Variants in STRIP2 observed in about 807,000 individuals in gnomAD.
The protein encoded by STRIP2 is striatin-interacting protein 2.
STRIP2 carries 84 observed loss-of-function variants against 107.1 expected under a neutral mutation model. That is an observed-to-expected ratio of 0.78 (90% CI 0.66 to 0.94). The LOEUF (loss-of-function observed/expected upper bound fraction) is 0.94. STRIP2 is among the 40% of genes least tolerant of loss of function. STRIP2 has a pLI of 0.00. For synonymous variants in STRIP2, 394 were observed against 400.4 expected (o/e 0.98, Z 0.19); for missense variants, 888 against 1,034.2 (o/e 0.86, Z 1.94).
intron 19 of STRIP2, among the ~76,000 whole-genome samples, chr7:129,482,637 C>G (rs1799155371): frequency 1.3e-5 from 2 of 151,974 alleles, no homozygotes; most frequent in African/African-American, 2.4e-5. Context: ...TTCGGCCTCC[C>G]AAAGTGCTGG....
rs1029642318 is a variant in STRIP2 at position 129,444,105 on chromosome 7, C to T, written c.274+7C>T. The T allele has an allele frequency of 5.0e-6, 8 of 1,606,314 alleles. No individual in the cohort carries two copies. The highest frequency in any genetic ancestry group is 6.0e-6 in the Non-Finnish European group (7 of 1,173,384). On this transcript the variant is annotated splice_region_variant and intron_variant, in intron 3 of 20. Transcript: ENST00000249344. ...GAAGATTTCAAGACTCAAGGTAATT[C>T]CAGATCTTTACTCATAGAGACCTGC...
At chr7:129,451,866 C>T in intron 4 of STRIP2, 119 bp downstream of exon 4, 1 of 1,210,492 alleles carries the variant, frequency 8.3e-7, no homozygotes, top group South Asian at 1.5e-5. Flanking sequence ...CTCTCAAGGA[C>T]AGATCTTGTC....
In STRIP2 at chr7:129,470,583, C is replaced by T. The variant is rs935242263; in HGVS notation, c.1878-66C>T. The T allele has an allele frequency of 9.7e-6, 13 of 1,342,036 alleles. No individual in the cohort carries two copies. The African/African-American group carries it at 1.4e-4, about 15-fold the overall frequency. The allele number at this position is 1,342,036 out of a possible 1,614,324, so 83.1% of individuals were successfully genotyped here. On this transcript the variant is annotated intron_variant, in intron 17 of 20. Transcript: ENST00000249344. ...TGGAGAGAAATAACTCCTGCCCTTT[C>T]CAGATACAGCCAATTCCTGCTGTTG...
intron 17 of STRIP2, 57 bp from the exon 18 acceptor site, chr7:129,470,592 G>A: frequency 7.0e-7 from 1 of 1,422,154 alleles, no homozygotes; most frequent in Non-Finnish European, 9.9e-7. Context: ...TCCAGATACA[G>A]CCAATTCCTG....
intron 1 of STRIP2, among the ~76,000 whole-genome samples, chr7:129,437,906 C>T (rs773289774): frequency 6.6e-6 from 1 of 151,334 alleles, no homozygotes; most frequent in South Asian, 2.1e-4. Context: ...CCCGGGTTCA[C>T]GCCATTCTCC....
intron 19 of STRIP2, 115 bp downstream of exon 19, chr7:129,481,004 C>T: frequency 1.4e-6 from 1 of 703,716 alleles, no homozygotes; most frequent in South Asian, 1.9e-5. Context: ...ACACTGAATG[C>T]TACATAAGAT....
Position 129,482,832 on chromosome 7 carries a change from C to A in STRIP2, c.2050-10C>A. 1 of 1,613,564 alleles carries A rather than the reference C, an allele frequency of 6.2e-7. No homozygotes were observed. The highest frequency in any genetic ancestry group is 1.1e-5 in the South Asian group (1 of 91,062). On this transcript the variant is annotated splice_polypyrimidine_tract_variant and intron_variant, in intron 19 of 20. Coordinates refer to ENST00000249344, the MANE Select transcript of STRIP2 (RefSeq NM_020704.3). ...TTAGATCTTTACCCCACCCCTCTTT[C>A]AATGAACAGATGCTGGTAGTGTTTA...
At position 129,434,457 on chromosome 7, in the gene STRIP2, G is replaced by C; in HGVS notation, c.-16G>C. 6.7e-7 allele frequency: 1 copy of C among 1,499,992 alleles called. No individual in the cohort carries two copies. Among genetic ancestry groups the C allele is most frequent in the Non-Finnish European group, 8.8e-7 (1 of 1,131,126 alleles). The allele number at this position is 1,499,992 out of a possible 1,614,324, so 92.9% of individuals were successfully genotyped here. A position where few individuals can be genotyped will look rare whatever the true frequency, so the allele number is the denominator to read the frequency against. On this transcript the variant is annotated 5_prime_UTR_variant, in exon 1 of 21. Coordinates refer to ENST00000249344, the MANE Select transcript of STRIP2 (RefSeq NM_020704.3). ...CAAAGCGAGCTGAACCCTGAGGGGAGCCGCTGACCAGCAGCATGGAGGACC... is the reference window on the plus strand; with the variant it reads ...CAAAGCGAGCTGAACCCTGAGGGGACCCGCTGACCAGCAGCATGGAGGACC...
intron 1 of STRIP2, among the ~76,000 whole-genome samples, chr7:129,435,482 A>C (rs978494688): frequency 4.6e-5 from 7 of 152,144 alleles, no homozygotes; most frequent in Non-Finnish European, 8.8e-5. Flanking sequence ...AAGAGGAGTG[A>C]CTTGCCCAAG....
chr7:129,485,670 C>T lies in STRIP2; in HGVS notation c.2346C>T (p.Pro782=). Residue 782 remains proline (P), a synonymous_variant, in exon 21 of 21, where the codon CCC becomes CCT. Coordinates refer to ENST00000249344, the MANE Select transcript of STRIP2 (RefSeq NM_020704.3). ...EAFNSRRYDR[P]QDSEFSPVDN... is the part of the protein sequence containing the mutation. ...TTAACAGCCGTCGCTATGACAGACC[C>T]CAGGACTCTGAGTTTTCACCTGTGG... 1 of 1,614,040 alleles carries T rather than the reference C, an allele frequency of 6.2e-7. No homozygotes were observed. Among genetic ancestry groups the T allele is most frequent in the Non-Finnish European group, 8.5e-7 (1 of 1,180,028 alleles).
At chr7:129,469,420 T>A (rs1422450344) in intron 17 of STRIP2, among the ~76,000 whole-genome samples, 1 of 152,222 alleles carries the variant, frequency 6.6e-6, no homozygotes, top group Non-Finnish European at 1.5e-5. Flanking sequence ...AGATTTCAAT[T>A]CACTAAGAGA....
intron 4 of STRIP2, 129 bp downstream of exon 4, chr7:129,451,876 C>T: frequency 8.9e-7 from 1 of 1,121,424 alleles, no homozygotes; most frequent in Non-Finnish European, 1.3e-6. Flanking sequence ...CAGATCTTGT[C>T]ATGTGCTAGG....
Position 129,440,186 on chromosome 7 carries a change from A to G in STRIP2, c.199+95A>G, listed in dbSNP as rs891210483. Reference sequence around the variant, plus strand: ...CCTGGAAGCTTGTCTGTTCTCACCAAGTGGCTGTTGAACAAAGGCTGTTCT... The same window carrying G: ...CCTGGAAGCTTGTCTGTTCTCACCAGGTGGCTGTTGAACAAAGGCTGTTCT... On this transcript the variant is annotated intron_variant, in intron 2 of 20. Transcript: ENST00000249344. 1.1e-5 allele frequency: 12 copies of G among 1,063,792 alleles called. No individual in the cohort carries two copies. The Admixed American group carries it at 2.0e-4, about 18-fold the overall frequency. 65.9% of individuals were successfully genotyped at this position (1,063,792 alleles called of 1,614,324 possible). A position where few individuals can be genotyped will look rare whatever the true frequency, so the allele number is the denominator to read the frequency against.
At chr7:129,480,663 G>A in intron 18 of STRIP2, 122 bp from the exon 19 acceptor site, 1 of 728,792 alleles carries the variant, frequency 1.4e-6, no homozygotes, top group Non-Finnish European at 2.3e-6. Context: ...AAACAGGAAG[G>A]TGAGGAGGTA....
intron 18 of STRIP2, 22 bp from the exon 19 acceptor site, chr7:129,480,763 T>C (rs1456950161): frequency 1.3e-6 from 2 of 1,592,000 alleles, no homozygotes; most frequent in South Asian, 2.2e-5. Context: ...ATTAAGATAA[T>C]GATGGATGTT....
chr7:129,485,040 T>A (rs569786344), intron 20 of STRIP2, among the ~76,000 whole-genome samples: 7 of 152,318 alleles, frequency 4.6e-5, no homozygotes, highest in African/African-American at 1.4e-4. Context: ...CTGGAGGAGA[T>A]TCCAGGGAAT....
At chr7:129,445,340 C>T (rs1340790197) in intron 3 of STRIP2, among the ~76,000 whole-genome samples, 1 of 152,064 alleles carries the variant, frequency 6.6e-6, no homozygotes, top group Admixed American at 6.5e-5. Flanking sequence ...GGTAGGAGGA[C>T]CCCAAAGTGT....
Position 129,460,384 on chromosome 7 carries a change from A to T in STRIP2, c.1476+12A>T. ...GCCCTATGTCTTTGGTGAGCCAAGG[A>T]AGCCCTACACAGGAGGAGAGTAGAA... On this transcript the variant is annotated intron_variant, in intron 13 of 20. Coordinates refer to ENST00000249344, the MANE Select transcript of STRIP2 (RefSeq NM_020704.3). The T allele has an allele frequency of 6.2e-7, 1 of 1,612,320 alleles. No homozygotes were observed. The highest frequency in any genetic ancestry group is 8.5e-7 in the Non-Finnish European group (1 of 1,179,002).
rs892297937 is a variant in STRIP2, at chr7:129,437,088, CAG to C, written c.129+2488_129+2489del. Among the ~76,000 whole-genome samples, 16 of 152,264 alleles carry C rather than the reference CAG, an allele frequency of 1.1e-4. No homozygotes were observed. In the East Asian group the frequency reaches 3.1e-3, roughly 29 times the overall value. Reference sequence around the variant, plus strand: ...ATTTAAGAATGTATACAATTTAAAACAGTGTTTTTCAAACTGCTATAGGGGGC... The same window carrying C: ...ATTTAAGAATGTATACAATTTAAAACTGTTTTTCAAACTGCTATAGGGGGC... On this transcript the variant is annotated intron_variant, in intron 1 of 20. Coordinates refer to ENST00000249344, the MANE Select transcript of STRIP2 (RefSeq NM_020704.3).
Sources: allele counts gnomAD v4.1 joint callset (sites outside exome capture counted in the v4.1 genomes callset), GRCh38; gene constraint gnomAD v4.1.1; transcripts MANE v1.5; gene names NCBI Gene and HGNC (gene_info 2026-07-23, HGNC 2026-07-21).